Variants in TBC1D32 observed in about 807,000 individuals in gnomAD.
TBC1D32 encodes the protein protein broad-minded.
TBC1D32 carries 151 observed loss-of-function variants against 170.3 expected under a neutral mutation model. The ratio of observed to expected loss-of-function variants is 0.89; its 90% CI spans 0.78 to 1.01. TBC1D32 has a LOEUF of 1.01. TBC1D32 is among the 50% of genes least tolerant of loss of function. TBC1D32 has a pLI of 0.00. For missense variants in TBC1D32, 1,464 were observed against 1,457.1 expected (o/e 1.00, Z -0.08); for synonymous variants, 498 against 488.0 (o/e 1.02, Z -0.27).
intron 10 of TBC1D32, 34 bp from the exon 11 acceptor site, chr6:121,294,694 T>C (rs749308291): frequency 3.3e-6 from 5 of 1,503,116 alleles, no homozygotes; most frequent in South Asian, 2.3e-5. Flanking sequence ...TTCCAGAACT[T>C]TGCAGCCCTC....
At chr6:121,122,596 T>C (rs1181344579) in intron 26 of TBC1D32, among the ~76,000 whole-genome samples, 1 of 152,084 alleles carries the variant, frequency 6.6e-6, no homozygotes, top group Admixed American at 6.6e-5. Flanking sequence ...AAACTTTATA[T>C]GAAAACTATT....
chr6:121,211,841 C>T (rs962231612), intron 21 of TBC1D32, among the ~76,000 whole-genome samples: 1 of 152,148 alleles, frequency 6.6e-6, no homozygotes, highest in African/African-American at 2.4e-5. Flanking sequence ...CCTACTCTTC[C>T]TCTCTGGACC....
At chr6:121,208,743 A>C (rs1216010389) in intron 21 of TBC1D32, among the ~76,000 whole-genome samples, 1 of 151,098 alleles carries the variant, frequency 6.6e-6, no homozygotes, top group Non-Finnish European at 1.5e-5. Flanking sequence ...AAAAAAAAAA[A>C]AAAACAGAAA....
At chr6:121,227,980 C>T (rs908599857) in intron 20 of TBC1D32, among the ~76,000 whole-genome samples, 2 of 152,000 alleles carry the variant, frequency 1.3e-5, no homozygotes, top group Admixed American at 6.6e-5. Flanking sequence ...AAATGCATAC[C>T]TATTTTTTTA....
At chr6:121,317,738 A>G in intron 2 of TBC1D32, 66 bp from the exon 3 acceptor site, 1 of 1,172,674 alleles carries the variant, frequency 8.5e-7, no homozygotes, top group South Asian at 1.8e-5. Flanking sequence ...AACTAGTTAA[A>G]TTATCTAATT....
chr6:121,258,456 T>A (rs1235187619), intron 15 of TBC1D32, among the ~76,000 whole-genome samples: 5 of 152,138 alleles, frequency 3.3e-5, no homozygotes, highest in South Asian at 2.1e-4. Flanking sequence ...TTTTTTGTTT[T>A]TTGTTTTACA....
chr6:121,255,346 C>A lies in TBC1D32; in HGVS notation c.2000G>T (p.Ser667Ile). ...TACTTACATGTTTTGGGATTCCTGG[C>A]TTACTGAAGAAACAGAATCAGAACC... Reference protein sequence around the residue: ...VEGSDSVSSVSQESQNIMAWE... With the variant: ...VEGSDSVSSVIQESQNIMAWE... Residue 667 changes from serine (S) to isoleucine (I), a missense_variant, in exon 17 of 32, where the codon AGC becomes ATC. Coordinates refer to ENST00000398212, the MANE Select transcript of TBC1D32 (RefSeq NM_152730.6). 1 of 1,569,688 alleles carries A rather than the reference C, an allele frequency of 6.4e-7. No homozygotes were observed. The highest frequency in any genetic ancestry group is 8.6e-7 in the Non-Finnish European group (1 of 1,157,622).
rs189962184 is a variant in TBC1D32 at position 121,287,502 on chromosome 6, G to A, written c.1373-3592C>T. On this transcript the variant is annotated intron_variant, in intron 12 of 31. Coordinates refer to ENST00000398212, the MANE Select transcript of TBC1D32 (RefSeq NM_152730.6). Reference sequence around the variant, plus strand: ...ATACAGGAGCACCCAGATTCATAAAGAAAGTCCTTAGAGACCTACAAAGAG... The same window carrying A: ...ATACAGGAGCACCCAGATTCATAAAAAAAGTCCTTAGAGACCTACAAAGAG... Among the ~76,000 whole-genome samples the A allele has an allele frequency of 1.9e-4, 29 of 152,198 alleles. No homozygotes were observed. The East Asian group carries it at 5.6e-3, about 29-fold the overall frequency.
intron 20 of TBC1D32, among the ~76,000 whole-genome samples, chr6:121,236,437 T>C (rs1051241810): frequency 2.0e-5 from 3 of 152,122 alleles, no homozygotes; most frequent in Non-Finnish European, 4.4e-5. Context: ...AATGGACATA[T>C]GTTTCTGAAG....
At chr6:121,143,928 GAC>G (rs1783113728) in intron 24 of TBC1D32, among the ~76,000 whole-genome samples, 1 of 151,894 alleles carries the variant, frequency 6.6e-6, no homozygotes, top group Non-Finnish European at 1.5e-5. Context: ...TATGGTCAGT[GAC>G]ACAGATATCA....
chr6:121,117,501 A>T (rs1779804363), intron 26 of TBC1D32, among the ~76,000 whole-genome samples: 1 of 152,140 alleles, frequency 6.6e-6, no homozygotes, highest in Admixed American at 6.6e-5. Context: ...CATGAGTTCA[A>T]GACCAGCCTC....
chr6:121,328,277 TTTTATTTATTTA>T (rs929188637), intron 1 of TBC1D32, among the ~76,000 whole-genome samples: 1 of 151,706 alleles, frequency 6.6e-6, no homozygotes, highest in Admixed American at 6.6e-5. Flanking sequence ...GTTTTTTATT[TTTTATTTATTTA>T]TTTATTTATT....
intron 20 of TBC1D32, among the ~76,000 whole-genome samples, chr6:121,236,011 G>A (rs1796288459): frequency 6.6e-6 from 1 of 151,908 alleles, no homozygotes; most frequent in African/African-American, 2.4e-5. Flanking sequence ...TGTAATTATT[G>A]ATATGGATGC....
chr6:121,283,550 T>C (rs1169890044), intron 13 of TBC1D32, among the ~76,000 whole-genome samples: 1 of 151,782 alleles, frequency 6.6e-6, no homozygotes, highest in African/African-American at 2.4e-5. Context: ...CTTGAGAACA[T>C]TTTGATCTTA....
intron 21 of TBC1D32, 150 bp from the exon 22 acceptor site, chr6:121,205,313 G>T (rs35328788): frequency 0.98 from 435,702 of 442,822 alleles, 214,725 homozygotes; most frequent in East Asian, 1. Context: ...AGAAGAAGAA[G>T]AAGAAGAATA....
chr6:121,086,230 T>C (rs1438164730), intron 31 of TBC1D32, among the ~76,000 whole-genome samples: 1 of 152,030 alleles, frequency 6.6e-6, no homozygotes, highest in Non-Finnish European at 1.5e-5. Flanking sequence ...AACAACCCTA[T>C]GTGATGAAGA....
intron 15 of TBC1D32, among the ~76,000 whole-genome samples, chr6:121,275,194 T>C (rs13193172): frequency 6.6e-6 from 1 of 152,224 alleles, no homozygotes. Context: ...AGATAAATTG[T>C]TGTAATGTAA....
chr6:121,082,908 A>T (rs534018508), intron 31 of TBC1D32, among the ~76,000 whole-genome samples: 1 of 152,124 alleles, frequency 6.6e-6, no homozygotes, highest in Admixed American at 6.6e-5. Context: ...ATACACATTT[A>T]AAAAGGAGTG....
At chr6:121,168,383 T>TA (rs1562740071) in intron 22 of TBC1D32, among the ~76,000 whole-genome samples, 2 of 135,636 alleles carry the variant, frequency 1.5e-5, no homozygotes, top group African/African-American at 2.7e-5. Flanking sequence ...TATACAGCCA[T>TA]AAAAAATGAT....
Sources: gnomAD v4.1 joint callset for allele counts (sites outside exome capture counted in the v4.1 genomes callset) on GRCh38, gnomAD v4.1.1 for gene constraint, MANE v1.5 for transcripts, NCBI Gene and HGNC (gene_info 2026-07-23, HGNC 2026-07-21) for gene names.